Variants in SNX29 observed in about 807,000 individuals in gnomAD.
The protein encoded by SNX29 is sorting nexin 29.
SNX29 carries 78 observed loss-of-function variants against 102.1 expected under a neutral mutation model. The observed-to-expected ratio is 0.76, with a 90% confidence interval of 0.64 to 0.92. The LOEUF (loss-of-function observed/expected upper bound fraction) is 0.92. SNX29 is among the 40% of genes least tolerant of loss of function. SNX29 has a pLI of 0.00. For synonymous variants in SNX29, 580 were observed against 414.5 expected (o/e 1.40, Z -4.85); for missense variants, 1,280 against 1,061.7 (o/e 1.21, Z -2.86).
intron 19 of SNX29, among the ~76,000 whole-genome samples, chr16:12,488,354 C>G (rs982292133): frequency 1.3e-5 from 2 of 152,090 alleles, no homozygotes; most frequent in Non-Finnish European, 2.9e-5. Context: ...TCCCTGACTT[C>G]AAAAACATGA....
intron 14 of SNX29, among the ~76,000 whole-genome samples, chr16:12,228,050 A>C (rs2077665961): frequency 6.6e-6 from 1 of 151,894 alleles, no homozygotes; most frequent in African/African-American, 2.4e-5. Flanking sequence ...CTTAGGTAGG[A>C]GGATCACTTC....
At chr16:12,273,861 C>T (rs2079164827) in intron 14 of SNX29, among the ~76,000 whole-genome samples, 1 of 152,210 alleles carries the variant, frequency 6.6e-6, no homozygotes, top group South Asian at 2.1e-4. Context: ...GATCTGGCTT[C>T]TTTCCCCTGG....
rs1040056864 is a variant in SNX29 at position 12,069,317 on chromosome 16, G to A, written c.1319+185G>A. On this transcript the variant is annotated intron_variant, in intron 10 of 20. Coordinates refer to ENST00000566228, the MANE Select transcript of SNX29 (RefSeq NM_032167.5). ...GCCCGGTTCTGTTGCCCAGGCTAGA[G>A]TGCAGTGGCGCAGTCTCGGCTCACT... Among the ~76,000 whole-genome samples the A allele has an allele frequency of 5.9e-5, 9 of 152,234 alleles. 1 individual carries two copies. In the East Asian group the frequency reaches 1.7e-3, roughly 29 times the overall value.
intron 14 of SNX29, among the ~76,000 whole-genome samples, chr16:12,277,681 C>A (rs1031344930): frequency 1.3e-5 from 2 of 152,074 alleles, no homozygotes; most frequent in African/African-American, 4.8e-5. Context: ...CTCAAGCGAT[C>A]CTCTCAACTC....
intron 15 of SNX29, among the ~76,000 whole-genome samples, chr16:12,292,757 A>G (rs1276441080): frequency 6.6e-6 from 1 of 152,198 alleles, no homozygotes; most frequent in Non-Finnish European, 1.5e-5. Flanking sequence ...ATAGTGTGAT[A>G]TTCTTGTTTG....
intron 18 of SNX29, among the ~76,000 whole-genome samples, chr16:12,417,862 G>A (rs781077932): frequency 5.9e-5 from 9 of 152,042 alleles, no homozygotes; most frequent in Non-Finnish European, 1.3e-4. Context: ...CTTGAGCCCT[G>A]GGAAGAGAAG....
chr16:12,143,759 T>C (rs1022153294), intron 13 of SNX29, among the ~76,000 whole-genome samples: 11 of 152,234 alleles, frequency 7.2e-5, no homozygotes, highest in African/African-American at 2.4e-4. Flanking sequence ...AGCCTGCTGT[T>C]GCTCAGATGT....
intron 14 of SNX29, among the ~76,000 whole-genome samples, chr16:12,203,209 TATA>T: frequency 6.7e-6 from 1 of 150,324 alleles, no homozygotes; most frequent in African/African-American, 2.5e-5. Context: ...TCTGAAGTTG[TATA>T]GCGTGGCCCC....
At chr16:12,430,539 C>T (rs1409729300) in intron 18 of SNX29, among the ~76,000 whole-genome samples, 1 of 152,200 alleles carries the variant, frequency 6.6e-6, no homozygotes, top group Non-Finnish European at 1.5e-5. Flanking sequence ...TTCCTAACCT[C>T]AGTTTATTCA....
intron 16 of SNX29, among the ~76,000 whole-genome samples, chr16:12,398,097 T>C (rs1718157141): frequency 6.6e-6 from 1 of 152,216 alleles, no homozygotes; most frequent in South Asian, 2.1e-4. Context: ...TAACAATGGA[T>C]ATTTTTTCCA....
intron 3 of SNX29, among the ~76,000 whole-genome samples, chr16:12,021,821 G>A (rs1255510048): frequency 6.6e-6 from 1 of 151,632 alleles, no homozygotes; most frequent in Non-Finnish European, 1.5e-5. Context: ...AACGTGGGTG[G>A]CAGAGGTTAC....
rs367826808 is a variant in SNX29 at position 12,524,659 on chromosome 16, T to C, written c.2179-43T>C. The C allele has an allele frequency of 4.9e-5, 78 of 1,601,006 alleles. 1 individual carries two copies. The highest frequency in any genetic ancestry group is 5.5e-5 in the Non-Finnish European group (65 of 1,172,492). ...TTCTATAGGGTCATTTCTGACCAGG[T>C]GAGGAAGACGTACCAAAGCGAAGAT... On this transcript the variant is annotated intron_variant, in intron 19 of 20. Coordinates refer to ENST00000566228, the MANE Select transcript of SNX29 (RefSeq NM_032167.5).
chr16:12,425,468 C>G (rs1012582880), intron 18 of SNX29, among the ~76,000 whole-genome samples: 1 of 145,770 alleles, frequency 6.9e-6, no homozygotes, highest in Non-Finnish European at 1.5e-5. Flanking sequence ...TGGCTGCACA[C>G]GTAATTCCAT....
At chr16:12,155,770 C>T (rs1263567786) in intron 13 of SNX29, among the ~76,000 whole-genome samples, 1 of 152,142 alleles carries the variant, frequency 6.6e-6, no homozygotes, top group Non-Finnish European at 1.5e-5. Flanking sequence ...AGTCTACAAC[C>T]ACCATGGGTT....
intron 13 of SNX29, among the ~76,000 whole-genome samples, chr16:12,186,521 T>TG (rs2076513801): frequency 6.6e-6 from 1 of 152,152 alleles, no homozygotes; most frequent in African/African-American, 2.4e-5. Context: ...ATGCAGGAAA[T>TG]GTAACACTGG....
chr16:12,008,177 C>T (rs1479760071), intron 3 of SNX29, among the ~76,000 whole-genome samples: 1 of 152,198 alleles, frequency 6.6e-6, no homozygotes, highest in African/African-American at 2.4e-5. Context: ...ATCTCCTGAC[C>T]TTGTGATCCG....
intron 16 of SNX29, among the ~76,000 whole-genome samples, chr16:12,393,408 G>GCATTCATTCATTCATT (rs879644508): frequency 2.2e-5 from 3 of 138,078 alleles, no homozygotes; most frequent in African/African-American, 2.5e-5. Context: ...ATGCATGCAT[G>GCATTCATTCATTCATT]CATGCATTCA....
intron 18 of SNX29, among the ~76,000 whole-genome samples, chr16:12,472,378 G>A (rs1200893978): frequency 6.6e-6 from 1 of 152,044 alleles, no homozygotes; most frequent in African/African-American, 2.4e-5. Context: ...AAATTAGCCA[G>A]GCGTGTGGCA....
At chr16:12,085,943 A>C in intron 11 of SNX29, among the ~76,000 whole-genome samples, 1 of 151,868 alleles carries the variant, frequency 6.6e-6, no homozygotes, top group East Asian at 1.9e-4. Flanking sequence ...GTGTCTAGCT[A>C]TAGTAAGTGG....
Sources: gnomAD v4.1 joint callset for allele counts (sites outside exome capture counted in the v4.1 genomes callset) on GRCh38, gnomAD v4.1.1 for gene constraint, MANE v1.5 for transcripts, NCBI Gene and HGNC (gene_info 2026-07-23, HGNC 2026-07-21) for gene names.